Variants in SRGAP3 observed in about 807,000 individuals in gnomAD.
SRGAP3 encodes SLIT-ROBO Rho GTPase activating protein 3.
SRGAP3 carries 39 observed loss-of-function variants against 121.1 expected under a neutral mutation model. The ratio of observed to expected loss-of-function variants is 0.32; its 90% CI spans 0.25 to 0.42. SRGAP3 has a LOEUF of 0.42. Among genes scored for constraint, SRGAP3 ranks in the 10% least tolerant of loss-of-function variants. The pLI, the probability that SRGAP3 is intolerant of heterozygous loss-of-function variation, is 1.00. For missense variants in SRGAP3, 1,213 were observed against 1,470.6 expected, an observed-to-expected ratio of 0.82 and a Z score of 2.86; for synonymous variants, 601 against 570.0, an observed-to-expected ratio of 1.05 and a Z score of -0.77.
intron 18 of SRGAP3, among the ~76,000 whole-genome samples, chr3:8,998,888 C>T (rs1942575373): frequency 1.3e-5 from 2 of 152,104 alleles, no homozygotes; most frequent in Admixed American, 6.5e-5. Flanking sequence ...AATGATGGGC[C>T]TAGGGTTGGG....
intron 1 of SRGAP3, among the ~76,000 whole-genome samples, chr3:9,175,153 G>A (rs1449249615): frequency 6.6e-6 from 1 of 152,082 alleles, no homozygotes. Context: ...CATCATTTAA[G>A]CATGAGCTTA....
At chr3:9,035,131 A>T (rs2125100351) in intron 11 of SRGAP3, 1 of 152,326 alleles carries the variant, frequency 6.6e-6, no homozygotes, top group South Asian at 2.1e-4. Flanking sequence ...TGTGAGTATG[A>T]AAGTGATTTT....
chr3:9,204,679 G>A (rs917925679), intron 1 of SRGAP3, among the ~76,000 whole-genome samples: 31 of 151,744 alleles, frequency 2.0e-4, no homozygotes, highest in African/African-American at 7.0e-4. Flanking sequence ...CTAAGTGAAT[G>A]CATGATTTTT....
At position 9,171,956 on chromosome 3, in the gene SRGAP3, G is replaced by T. The variant is rs1209018773; in HGVS notation, c.68-47039C>A. Among the ~76,000 whole-genome samples the T allele has an allele frequency of 7.9e-5, 12 of 151,980 alleles. No individual in the cohort carries two copies. In the East Asian group the frequency reaches 2.3e-3, roughly 29 times the overall value. Reference sequence around the variant, plus strand: ...GCTTCTGGGGGCTGCCTGCAATGTGGCATTTCTCGTCTCCTGCCGTATCTC... The same window carrying T: ...GCTTCTGGGGGCTGCCTGCAATGTGTCATTTCTCGTCTCCTGCCGTATCTC... On this transcript the variant is annotated intron_variant, in intron 1 of 21. Transcript: ENST00000383836.
At chr3:9,351,789 T>C (rs1447916011) in intron 1 of SRGAP3, among the ~76,000 whole-genome samples, 1 of 152,180 alleles carries the variant, frequency 6.6e-6, no homozygotes, top group Non-Finnish European at 1.5e-5. Flanking sequence ...TCAAACAGCC[T>C]AGGTGTTGTC....
intron 14 of SRGAP3, among the ~76,000 whole-genome samples, chr3:9,016,534 G>T (rs1159433667): frequency 6.6e-6 from 1 of 152,180 alleles, no homozygotes; most frequent in Non-Finnish European, 1.5e-5. Flanking sequence ...CTGTCCTGCT[G>T]CTGGTGATGC....
At chr3:9,132,423 CACTT>C (rs997039752) in intron 1 of SRGAP3, among the ~76,000 whole-genome samples, 2 of 152,184 alleles carry the variant, frequency 1.3e-5, no homozygotes, top group African/African-American at 2.4e-5. Flanking sequence ...TCTTCCCTCT[CACTT>C]ACCCCAACCC....
intron 3 of SRGAP3, among the ~76,000 whole-genome samples, chr3:9,265,169 A>G (rs1167429031): frequency 6.6e-6 from 1 of 152,248 alleles, no homozygotes; most frequent in East Asian, 1.9e-4. Flanking sequence ...CTGGCTAGCC[A>G]TATGCAGAAA....
intron 1 of SRGAP3, among the ~76,000 whole-genome samples, chr3:9,225,959 G>A (rs1355831210): frequency 6.6e-6 from 1 of 152,144 alleles, no homozygotes; most frequent in African/African-American, 2.4e-5. Context: ...TTACAAGTTG[G>A]CATCTAACTC....
At chr3:9,178,383 A>C (rs1951255656) in intron 1 of SRGAP3, among the ~76,000 whole-genome samples, 1 of 152,232 alleles carries the variant, frequency 6.6e-6, no homozygotes, top group Non-Finnish European at 1.5e-5. Flanking sequence ...ACTGGCACTG[A>C]GAAATGGAAA....
At position 9,104,743 on chromosome 3, in the gene SRGAP3, G is replaced by A; in HGVS notation, c.360C>T (p.Phe120=). 6.2e-7 allele frequency: 1 copy of A among 1,614,268 alleles called. No individual in the cohort carries two copies. Among genetic ancestry groups the A allele is most frequent in the South Asian group, 1.1e-5 (1 of 91,084 alleles). The change falls in exon 3 of 22, where the codon TTC becomes TTT. Residue 120 remains phenylalanine, a synonymous_variant. Coordinates refer to ENST00000383836, the MANE Select transcript of SRGAP3 (RefSeq NM_014850.4). ...AGAGGCGGACGATGACATTGTTCAT[G>A]AAGATGTCATTGAGGGTGGCATGGT... The part of the protein sequence containing the change: ...SRDHATLNDI[F]MNNVIVRLSQ...
At chr3:9,059,898 T>C in intron 6 of SRGAP3, 1 of 376,204 alleles carries the variant, frequency 2.7e-6, no homozygotes, top group Non-Finnish European at 5.1e-6. Flanking sequence ...AGGCATGAAC[T>C]GTGTATGGTT....
chr3:9,026,971 C>T lies in SRGAP3; in HGVS notation c.1564G>A (p.Val522Ile), dbSNP rs192714846. 9.9e-6 allele frequency: 16 copies of T among 1,614,222 alleles called. No individual in the cohort carries two copies. In the East Asian group the frequency reaches 2.0e-4, roughly 20 times the overall value. The change falls in exon 13 of 22, where the codon GTA (valine) becomes ATA (isoleucine). Residue 522 changes from valine to isoleucine, a missense_variant. Physicochemically the swap from Val to Ile is conservative, Grantham distance 29 (BLOSUM62 3). Transcript: ENST00000383836. Reference protein sequence around the residue: ...IKDSGQAIPLVVESCIRYINL... With the variant: ...IKDSGQAIPLIVESCIRYINL... The stretch of plus-strand genomic sequence containing the variant: ...ATGTAACGGATGCAGCTCTCGACTA[C>T]AAGCGGTATAGCTTGTCCTGAATCC...
At chr3:9,265,353 C>A (rs548328172) in intron 3 of SRGAP3, among the ~76,000 whole-genome samples, 1 of 152,274 alleles carries the variant, frequency 6.6e-6, no homozygotes, top group East Asian at 1.9e-4. Context: ...GCAATTACAA[C>A]AAAAGCCAAA....
intron 3 of SRGAP3, among the ~76,000 whole-genome samples, chr3:9,256,091 C>T (rs1574947099): frequency 6.6e-6 from 1 of 152,148 alleles, no homozygotes; most frequent in African/African-American, 2.4e-5. Flanking sequence ...AGGCCTCACA[C>T]ATGCTCTGTT....
chr3:9,117,609 A>G (rs534908834), intron 2 of SRGAP3, among the ~76,000 whole-genome samples: 7 of 152,166 alleles, frequency 4.6e-5, no homozygotes, highest in African/African-American at 1.7e-4. Flanking sequence ...CCAGCACTTA[A>G]CCCTCTGCAT....
intron 5 of SRGAP3, 26 bp downstream of exon 5, chr3:9,064,370 G>A (rs372758074): frequency 4.3e-6 from 7 of 1,613,906 alleles, no homozygotes; most frequent in African/African-American, 1.3e-5. Flanking sequence ...GTCCCCAATC[G>A]CTCCCAGCCC....
At chr3:9,241,797 A>C (rs1953648340) in intron 1 of SRGAP3, among the ~76,000 whole-genome samples, 1 of 152,080 alleles carries the variant, frequency 6.6e-6, no homozygotes, top group Non-Finnish European at 1.5e-5. Context: ...AAGAAAGCCA[A>C]CCAGGCAAAG....
chr3:9,163,637 G>A (rs1012088018), intron 1 of SRGAP3, among the ~76,000 whole-genome samples: 7 of 152,184 alleles, frequency 4.6e-5, no homozygotes, highest in East Asian at 1.9e-4. Context: ...GACCCCAAAG[G>A]GCTTCCAGAT....
Sources: allele counts gnomAD v4.1 joint callset (sites outside exome capture counted in the v4.1 genomes callset), GRCh38; gene constraint gnomAD v4.1.1; transcripts MANE v1.5; gene names NCBI Gene and HGNC (gene_info 2026-07-23, HGNC 2026-07-21).